Variants in USP13 observed in about 807,000 individuals in gnomAD.
USP13 encodes ubiquitin carboxyl-terminal hydrolase 13.
USP13 carries 68 observed loss-of-function variants against 107.8 expected under a neutral mutation model. That is an observed-to-expected ratio of 0.63 (90% CI 0.52 to 0.77). The LOEUF (loss-of-function observed/expected upper bound fraction) is 0.77. Ranked by LOEUF, USP13 falls within the 30% of genes least tolerant of loss-of-function variation. USP13 has a pLI of 0.00. For synonymous variants in USP13, 377 were observed against 389.5 expected (o/e 0.97, Z 0.38); for missense variants, 945 against 1,093.3 (o/e 0.86, Z 1.91).
chr3:179,745,342 G>A, intron 13 of USP13, 125 bp downstream of exon 13: 1 of 1,219,830 alleles, frequency 8.2e-7, no homozygotes, highest in Non-Finnish European at 1.1e-6. Context: ...TGATGGATGG[G>A]ATTATGGTTC....
rs368608414 is a variant in USP13 at position 179,764,013 on chromosome 3, C to G, written c.2104C>G (p.Pro702Ala). ...VHMEEPDFAEPLTMPGYGGAA... is the reference protein window; with the variant it reads ...VHMEEPDFAEALTMPGYGGAA... ...GTTATTTTTCTCAGATTTTGCTGAG[C>G]CGCTGACCATGCCTGGTTATGGAGG... Residue 702 changes from proline to alanine, a missense_variant, in exon 18 of 21, where the codon CCG becomes GCG. Pro to Ala is a conservative substitution (Grantham distance 27). Transcript: ENST00000263966. The G allele has an allele frequency of 6.2e-7, 1 of 1,610,976 alleles. No homozygotes were observed. The highest frequency in any genetic ancestry group is 8.5e-7 in the Non-Finnish European group (1 of 1,179,052).
chr3:179,711,096 A>T (rs987170145), intron 6 of USP13, among the ~76,000 whole-genome samples: 1 of 152,242 alleles, frequency 6.6e-6, no homozygotes, highest in Admixed American at 6.5e-5. Flanking sequence ...CCTTTTCAAT[A>T]ATAAATTAAC....
At position 179,731,748 on chromosome 3, in the gene USP13, G is replaced by A. The variant is rs567105473; in HGVS notation, c.1254+1039G>A. Among the ~76,000 whole-genome samples the A allele has an allele frequency of 9.7e-4, 148 of 152,228 alleles. 2 individuals are homozygous for A. The South Asian group carries it at 0.018, about 19-fold the overall frequency. On this transcript the variant is annotated intron_variant, in intron 10 of 20. Coordinates refer to ENST00000263966, the MANE Select transcript of USP13 (RefSeq NM_003940.3). ...AGCTTACGCATCTGTGTTTGGCACC[G>A]TCCTCTCCCGTTGCCACAGATGCCC...
At chr3:179,754,648 C>A in intron 14 of USP13, 84 bp from the exon 15 acceptor site, 1 of 1,496,900 alleles carries the variant, frequency 6.7e-7, no homozygotes, top group African/African-American at 1.4e-5. Context: ...TCTGTCTAGA[C>A]ACATGCATGT....
At chr3:179,658,264 C>T (rs1319460438) in intron 1 of USP13, among the ~76,000 whole-genome samples, 7 of 152,140 alleles carry the variant, frequency 4.6e-5, no homozygotes, top group African/African-American at 1.7e-4. Context: ...AACTGATTTC[C>T]TTTTCTAAGA....
intron 1 of USP13, among the ~76,000 whole-genome samples, chr3:179,670,488 G>A (rs184569628): frequency 2.0e-5 from 3 of 152,080 alleles, no homozygotes; most frequent in Non-Finnish European, 4.4e-5. Context: ...AAACATGAGT[G>A]GGAGCCAACT....
At chr3:179,779,731 A>G (rs1376547034) in intron 19 of USP13, among the ~76,000 whole-genome samples, 4 of 151,804 alleles carry the variant, frequency 2.6e-5, no homozygotes, top group Admixed American at 2.0e-4. Context: ...AAAAAAAAAA[A>G]AAAAAAGAAA....
chr3:179,745,621 C>T (rs938000761), intron 13 of USP13, among the ~76,000 whole-genome samples: 4 of 151,916 alleles, frequency 2.6e-5, no homozygotes, highest in African/African-American at 7.3e-5. Flanking sequence ...AGAAACAATC[C>T]CCTACCCGCA....
At chr3:179,751,965 A>C (rs1489519169) in intron 13 of USP13, among the ~76,000 whole-genome samples, 1 of 151,618 alleles carries the variant, frequency 6.6e-6, no homozygotes, top group Non-Finnish European at 1.5e-5. Context: ...CTGGTCTTGA[A>C]CTCCTGACCT....
intron 1 of USP13, among the ~76,000 whole-genome samples, chr3:179,669,393 G>A (rs985227203): frequency 6.6e-6 from 1 of 152,050 alleles, no homozygotes; most frequent in Non-Finnish European, 1.5e-5. Context: ...TCAGGAGGCA[G>A]AGGTGCAGTG....
At chr3:179,777,538 A>T (rs964371652) in intron 19 of USP13, among the ~76,000 whole-genome samples, 12 of 149,360 alleles carry the variant, frequency 8.0e-5, no homozygotes, top group African/African-American at 2.5e-4. Flanking sequence ...CTGCAGCCTC[A>T]ATCCCCTGGG....
chr3:179,727,623 C>G lies in USP13; in HGVS notation c.1089-2566C>G, dbSNP rs1390432380. ...CTCAATCTTTTCCCCACCCTTCCCC[C>G]CTTTCTATTCCACAAAACCGCCATT... On this transcript the variant is annotated intron_variant, in intron 8 of 20. Coordinates refer to ENST00000263966, the MANE Select transcript of USP13 (RefSeq NM_003940.3). 8.0e-4 allele frequency among the ~76,000 whole-genome samples: 74 copies of G among 92,572 alleles called. 4 individuals are homozygous for G. In the East Asian group the frequency reaches 0.012, roughly 15 times the overall value. The allele number at this position is 92,572 out of a possible 152,430, so 60.7% of individuals were successfully genotyped here.
At chr3:179,668,299 G>C (rs1011638549) in intron 1 of USP13, among the ~76,000 whole-genome samples, 1 of 152,066 alleles carries the variant, frequency 6.6e-6, no homozygotes, top group African/African-American at 2.4e-5. Flanking sequence ...CATGCCTGCT[G>C]CTGGATTAAT....
chr3:179,724,871 C>T (rs909380200), intron 8 of USP13, among the ~76,000 whole-genome samples: 1 of 152,222 alleles, frequency 6.6e-6, no homozygotes, highest in African/African-American at 2.4e-5. Context: ...AAATGGACTT[C>T]TCTCTTTTTC....
At chr3:179,781,689 C>T (rs775251904) in intron 19 of USP13, 50 bp from the exon 20 acceptor site, 90 of 1,539,232 alleles carry the variant, frequency 5.8e-5, no homozygotes, top group Non-Finnish European at 2.4e-5. Flanking sequence ...CAGAAGTGCT[C>T]TTCATTCTGG....
intron 4 of USP13, among the ~76,000 whole-genome samples, chr3:179,705,132 G>T (rs1419851312): frequency 6.6e-6 from 1 of 152,128 alleles, no homozygotes; most frequent in Non-Finnish European, 1.5e-5. Context: ...TGTGGGCTAG[G>T]TGGGGGTGAA....
chr3:179,755,409 C>T (rs536816711), intron 15 of USP13, among the ~76,000 whole-genome samples: 2 of 152,284 alleles, frequency 1.3e-5, no homozygotes, highest in East Asian at 1.9e-4. Flanking sequence ...ATTCTCCTGC[C>T]TCAGCCTCAC....
intron 3 of USP13, among the ~76,000 whole-genome samples, chr3:179,697,574 C>T (rs911338726): frequency 2.0e-5 from 3 of 152,120 alleles, no homozygotes; most frequent in African/African-American, 7.2e-5. Context: ...TTAGAGAAGG[C>T]TTTCTTGGGT....
At chr3:179,766,948 T>C (rs1045296111) in intron 19 of USP13, among the ~76,000 whole-genome samples, 2 of 152,150 alleles carry the variant, frequency 1.3e-5, no homozygotes, top group Non-Finnish European at 2.9e-5. Context: ...TCCCTATACC[T>C]GCAGCTGAGA....
Sources: gnomAD v4.1 joint callset for allele counts (sites outside exome capture counted in the v4.1 genomes callset) on GRCh38, gnomAD v4.1.1 for gene constraint, MANE v1.5 for transcripts, NCBI Gene and HGNC (gene_info 2026-07-23, HGNC 2026-07-21) for gene names.